The following GRIK1 variants were observed in gnomAD, a reference collection of about 807,000 sequenced individuals.
GRIK1 encodes glutamate receptor ionotropic, kainate 1.
In GRIK1, 69 loss-of-function variants were observed where a neutral mutation model predicts 105.7. That is an observed-to-expected ratio of 0.65 (90% CI 0.54 to 0.80). The LOEUF is 0.80. Among genes scored for constraint, GRIK1 ranks in the 30% least tolerant of loss-of-function variants. The pLI, the probability that GRIK1 is intolerant of heterozygous loss-of-function variation, is 0.00. For missense variants in GRIK1, 1,109 were observed against 1,167.3 expected (o/e 0.95, Z 0.73); for synonymous variants, 438 against 431.3 (o/e 1.02, Z -0.19).
At chr21:29,591,620 G>C (rs570024604) in intron 9 of GRIK1, among the ~76,000 whole-genome samples, 1 of 152,274 alleles carries the variant, frequency 6.6e-6, no homozygotes, top group Non-Finnish European at 1.5e-5. Flanking sequence ...AAATATACAA[G>C]AGTTTCTTCC....
intron 1 of GRIK1, among the ~76,000 whole-genome samples, chr21:29,788,021 G>C (rs2145808059): frequency 6.6e-6 from 1 of 152,190 alleles, no homozygotes; most frequent in South Asian, 2.1e-4. Context: ...TCATTCATTT[G>C]TTCATTTATG....
chr21:29,656,231 G>A (rs184082458), intron 4 of GRIK1, among the ~76,000 whole-genome samples: 2 of 150,914 alleles, frequency 1.3e-5, no homozygotes, highest in South Asian at 2.1e-4. Context: ...GCGTGGTGGC[G>A]GGTGCCTGTA....
At chr21:29,925,298 T>A (rs1313051813) in intron 1 of GRIK1, among the ~76,000 whole-genome samples, 1 of 152,196 alleles carries the variant, frequency 6.6e-6, no homozygotes, top group East Asian at 1.9e-4. Flanking sequence ...TTGTTCTGTT[T>A]CCCTTCTCAA....
intron 15 of GRIK1, among the ~76,000 whole-genome samples, chr21:29,561,198 A>G (rs770314641): frequency 5.3e-5 from 8 of 152,260 alleles, no homozygotes; most frequent in African/African-American, 1.2e-4. Context: ...TTTTTCATCT[A>G]TCATTATGGA....
chr21:29,785,451 C>T (rs910471643), intron 1 of GRIK1, among the ~76,000 whole-genome samples: 3 of 151,022 alleles, frequency 2.0e-5, no homozygotes, highest in Non-Finnish European at 4.4e-5. Flanking sequence ...GTAATCCCAG[C>T]TACTCGGGAG....
intron 1 of GRIK1, among the ~76,000 whole-genome samples, chr21:29,878,345 A>G (rs555670322): frequency 6.6e-6 from 1 of 152,168 alleles, no homozygotes; most frequent in East Asian, 1.9e-4. Context: ...TGCTTTTGCT[A>G]GGAGATGGAG....
At chr21:29,892,099 G>C (rs1429876519) in intron 1 of GRIK1, among the ~76,000 whole-genome samples, 2 of 152,220 alleles carry the variant, frequency 1.3e-5, no homozygotes, top group Non-Finnish European at 2.9e-5. Flanking sequence ...CTGCAACTCA[G>C]AGTGATTCCT....
chr21:29,553,444 A>C, intron 16 of GRIK1: 2 of 1,411,680 alleles, frequency 1.4e-6, no homozygotes, highest in Non-Finnish European at 1.8e-6. Context: ...TTGCTATCCT[A>C]AAGGAATAGA....
At chr21:29,735,818 G>C (rs1416918497) in intron 1 of GRIK1, among the ~76,000 whole-genome samples, 1 of 139,294 alleles carries the variant, frequency 7.2e-6, no homozygotes, top group Non-Finnish European at 1.5e-5. Flanking sequence ...CTGCACTCCA[G>C]CCTGGGCGAC....
intron 1 of GRIK1, among the ~76,000 whole-genome samples, chr21:29,768,834 G>A (rs2065741025): frequency 6.6e-6 from 1 of 152,082 alleles, no homozygotes; most frequent in Non-Finnish European, 1.5e-5. Context: ...CTTCTTCTTT[G>A]ACTGAAGAAT....
At chr21:29,620,214 T>C (rs77771146) in intron 7 of GRIK1, among the ~76,000 whole-genome samples, 1,665 of 152,302 alleles carry the variant, frequency 0.011, 27 homozygotes, top group African/African-American at 0.038. Flanking sequence ...CCATCTTGAA[T>C]TGGCCAGCAG....
intron 1 of GRIK1, among the ~76,000 whole-genome samples, chr21:29,937,501 T>A (rs749861644): frequency 6.6e-6 from 1 of 152,230 alleles, no homozygotes; most frequent in East Asian, 1.9e-4. Flanking sequence ...TTTACGTAGA[T>A]GATTGTGATT....
chr21:29,646,343 T>G (rs1471447932), intron 6 of GRIK1, among the ~76,000 whole-genome samples: 1 of 152,224 alleles, frequency 6.6e-6, no homozygotes, highest in Non-Finnish European at 1.5e-5. Context: ...TGCTGAGGAT[T>G]AAGTGCTGTT....
intron 7 of GRIK1, among the ~76,000 whole-genome samples, chr21:29,618,913 G>T (rs1423630945): frequency 6.6e-6 from 1 of 152,060 alleles, no homozygotes; most frequent in Non-Finnish European, 1.5e-5. Flanking sequence ...AGATCACGAG[G>T]TCAGGAGATC....
chr21:29,836,133 G>T lies in GRIK1; in HGVS notation c.118+103250C>A, dbSNP rs141685646. Among the ~76,000 whole-genome samples, 183 of 152,310 alleles carry T rather than the reference G, an allele frequency of 1.2e-3. 1 individual carries two copies. The highest frequency in any genetic ancestry group is 4.0e-3 in the African/African-American group (168 of 41,572). On this transcript the variant is annotated intron_variant, in intron 1 of 17. Transcript: ENST00000327783. ...AGTGCACTGTCCTTTGTAAAGTAAA[G>T]AGTATAATTTCTTAGATATAAAAAG... is the stretch of plus-strand genomic sequence containing the variant.
chr21:29,647,006 C>A (rs55705260), intron 6 of GRIK1, among the ~76,000 whole-genome samples: 16,104 of 152,090 alleles, frequency 0.11, 918 homozygotes, highest in African/African-American at 0.15. Context: ...CCACCACGCC[C>A]AGCTAATTTT....
intron 12 of GRIK1, among the ~76,000 whole-genome samples, chr21:29,585,271 G>A (rs967864652): frequency 8.6e-5 from 13 of 152,014 alleles, no homozygotes; most frequent in Admixed American, 6.6e-4. Context: ...AAAATATGGA[G>A]GTCTGGGTCA....
At chr21:29,614,184 G>A (rs772237387) in intron 7 of GRIK1, among the ~76,000 whole-genome samples, 1 of 152,022 alleles carries the variant, frequency 6.6e-6, no homozygotes, top group Non-Finnish European at 1.5e-5. Context: ...CATTAATATG[G>A]ATCTGAAGGA....
chr21:29,755,997 C>T (rs2065328250), intron 1 of GRIK1, among the ~76,000 whole-genome samples: 1 of 152,224 alleles, frequency 6.6e-6, no homozygotes. Context: ...CTTATAAAAA[C>T]CTCTTAAAGA....
Sources: allele counts gnomAD v4.1 joint callset (sites outside exome capture counted in the v4.1 genomes callset), GRCh38; gene constraint gnomAD v4.1.1; transcripts MANE v1.5; gene names NCBI Gene and HGNC (gene_info 2026-07-23, HGNC 2026-07-21).